Variants in RASGRP2 observed in about 807,000 individuals in gnomAD.
The protein encoded by RASGRP2 is RAS guanyl releasing protein 2.
Under a neutral mutation model 71.0 loss-of-function variants are expected in RASGRP2, and 44 were observed. The ratio of observed to expected loss-of-function variants is 0.62; its 90% CI spans 0.49 to 0.80. The LOEUF is 0.80. Among genes scored for constraint, RASGRP2 ranks in the 30% least tolerant of loss-of-function variants. RASGRP2 has a pLI of 0.00. For synonymous variants in RASGRP2, 350 were observed against 330.7 expected, an observed-to-expected ratio of 1.06 and a Z score of -0.63; for missense variants, 663 against 813.4, an observed-to-expected ratio of 0.82 and a Z score of 2.25.
chr11:64,728,584 C>T (rs534619013), intron 15 of RASGRP2, among the ~76,000 whole-genome samples: 242 of 152,182 alleles, frequency 1.6e-3, no homozygotes, highest in African/African-American at 5.8e-3. Context: ...TCCGCCACCA[C>T]GCCTGGCTAA....
At position 64,739,968 on chromosome 11, in the gene RASGRP2, TC is replaced by T; in HGVS notation, c.522+44del. On this transcript the variant is annotated intron_variant, in intron 6 of 16. Coordinates refer to ENST00000394432, the MANE Select transcript of RASGRP2 (RefSeq NM_001098671.2). The surrounding 1 kb of genome is among the most constrained non-coding windows in gnomAD (Gnocchi z 4.2). ...GACCCTGCCCCTCCTAGAACTCTCT[TC>T]CAGCCCACATTGGACCCCTGACCCC... 1 of 1,613,556 alleles carries T rather than the reference TC, an allele frequency of 6.2e-7. No individual in the cohort carries two copies.
chr11:64,739,208 C>T lies in RASGRP2; in HGVS notation c.813+152G>A. On this transcript the variant is annotated intron_variant, in intron 8 of 16. Coordinates refer to ENST00000394432, the MANE Select transcript of RASGRP2 (RefSeq NM_001098671.2). This position sits in a 1 kb window ranked among gnomAD's most constrained non-coding sequence, Gnocchi z 4.2. ...CTGTGAGCCCCCACTCTGCTGTTGC[C>T]ATTGTGCAAACTGAGAAAAGCACTT... The T allele has an allele frequency of 1.5e-6, 1 of 685,374 alleles. No individual in the cohort carries two copies. Among genetic ancestry groups the T allele is most frequent in the Non-Finnish European group, 2.6e-6 (1 of 379,266 alleles). 42.5% of individuals were successfully genotyped at this position (685,374 alleles called of 1,614,324 possible). A position where few individuals can be genotyped will look rare whatever the true frequency, so the allele number is the denominator to read the frequency against.
At position 64,743,759 on chromosome 11, in the gene RASGRP2, T is replaced by C. The variant is rs1460106084; in HGVS notation, c.-72+244A>G. 1 of 307,010 alleles carries C rather than the reference T, an allele frequency of 3.3e-6. No homozygotes were observed. The highest frequency in any genetic ancestry group is 2.3e-5 in the African/African-American group (1 of 42,820). The allele number at this position is 307,010 out of a possible 1,614,324, so 19.0% of individuals were successfully genotyped here. On this transcript the variant is annotated intron_variant, in intron 1 of 16. Coordinates refer to ENST00000394432, the MANE Select transcript of RASGRP2 (RefSeq NM_001098671.2). The surrounding 1 kb of genome is among the most constrained non-coding windows in gnomAD (Gnocchi z 4.9). ...CAGAGGGGGGCGCTCGCGCCAAGGG[T>C]GGCCGGTGGGTGCATGACACCATTA...
intron 9 of RASGRP2, among the ~76,000 whole-genome samples, 160 bp downstream of exon 9, chr11:64,736,593 T>C (rs2057944681): frequency 6.6e-6 from 1 of 152,104 alleles, no homozygotes; most frequent in African/African-American, 2.4e-5. Flanking sequence ...AACCAGAGCC[T>C]GGACCCCTTC....
In RASGRP2 at chr11:64,740,229, C is replaced by A. The variant is rs1481814083; in HGVS notation, c.372-66G>T. 4 of 1,593,712 alleles carry A rather than the reference C, an allele frequency of 2.5e-6. No individual in the cohort carries two copies. In the South Asian group the frequency reaches 3.3e-5, roughly 13 times the overall value. On this transcript the variant is annotated intron_variant, in intron 5 of 16. Coordinates refer to ENST00000394432, the MANE Select transcript of RASGRP2 (RefSeq NM_001098671.2). ...CATGACTCGTGGCCCCCCACTCACA[C>A]AGACACACCATTCACGCTTACTGAG...
Position 64,730,133 on chromosome 11 carries a change from C to A in RASGRP2, c.1474G>T (p.Gly492Trp), listed in dbSNP as rs771647146. The A allele has an allele frequency of 3.0e-5, 46 of 1,551,358 alleles. No homozygotes were observed. Among genetic ancestry groups the A allele is most frequent in the Non-Finnish European group, 3.6e-5 (41 of 1,147,030 alleles). The change falls in exon 13 of 17, where the codon GGG (glycine) becomes TGG (tryptophan). Residue 492 changes from glycine to tryptophan, a missense_variant. By Grantham distance (184) the Gly-to-Trp change is radical. Coordinates refer to ENST00000394432, the MANE Select transcript of RASGRP2 (RefSeq NM_001098671.2). ...TTGTGTACGAAGCCCATGCGCCCCCCCAACACAGAGCTGGAGCGCAGGAAA... is the reference window on the plus strand; with the variant it reads ...TTGTGTACGAAGCCCATGCGCCCCCACAACACAGAGCTGGAGCGCAGGAAA... Reference protein sequence around the residue: ...SYFLRSSSVLGGRMGFVHNFQ... With the variant: ...SYFLRSSSVLWGRMGFVHNFQ...
chr11:64,737,107 G>A (rs921487670), intron 8 of RASGRP2, 73 bp from the exon 9 acceptor site: 4 of 1,573,880 alleles, frequency 2.5e-6, no homozygotes, highest in Middle Eastern at 3.3e-4. Context: ...ATGTAGGAGG[G>A]GGTGAGGAGG....
In RASGRP2 at chr11:64,742,232, C is replaced by T. The variant is rs957194354; in HGVS notation, c.74-120G>A. On this transcript the variant is annotated intron_variant, in intron 2 of 16. Transcript: ENST00000394432. This position sits in a 1 kb window ranked among gnomAD's most constrained non-coding sequence, Gnocchi z 4.7. Reference sequence around the variant, plus strand: ...GGTGCACGCTCGACCCCGCCCACCTCCTGCTTGCCCAGGACTCCGAGAGCA... The same window carrying T: ...GGTGCACGCTCGACCCCGCCCACCTTCTGCTTGCCCAGGACTCCGAGAGCA... The T allele has an allele frequency of 2.4e-5, 19 of 781,018 alleles. No homozygotes were observed. The highest frequency in any genetic ancestry group is 2.2e-4 in the African/African-American group (13 of 58,348). The allele number at this position is 781,018 out of a possible 1,614,324, so 48.4% of individuals were successfully genotyped here.
intron 15 of RASGRP2, among the ~76,000 whole-genome samples, chr11:64,728,251 T>C (rs1445015021): frequency 6.6e-6 from 1 of 152,202 alleles, no homozygotes; most frequent in Non-Finnish European, 1.5e-5. Context: ...CAATGGCTCA[T>C]ATAACACCTT....
rs2058153308 is a variant in RASGRP2, at chr11:64,742,278, AG to A, written c.74-167del. Among the ~76,000 whole-genome samples, 1 of 152,006 alleles carries A rather than the reference AG, an allele frequency of 6.6e-6. No individual in the cohort carries two copies. Among genetic ancestry groups the A allele is most frequent in the African/African-American group, 2.4e-5 (1 of 41,396 alleles). ...GAGCAGGAGGCAAATTAGAGAGGAA[AG>A]GTGTGGTGGGCGAGAGATAGGCACG... On this transcript the variant is annotated intron_variant, in intron 2 of 16. Coordinates refer to ENST00000394432, the MANE Select transcript of RASGRP2 (RefSeq NM_001098671.2). This position sits in a 1 kb window ranked among gnomAD's most constrained non-coding sequence, Gnocchi z 4.7.
At chr11:64,734,990 G>A in intron 12 of RASGRP2, 122 bp downstream of exon 12, 1 of 808,856 alleles carries the variant, frequency 1.2e-6, no homozygotes, top group Middle Eastern at 2.2e-4. Flanking sequence ...TTCCCACACT[G>A]GCAGCTTCCC....
intron 12 of RASGRP2, among the ~76,000 whole-genome samples, chr11:64,733,103 C>T (rs1309254313): frequency 6.7e-6 from 1 of 148,880 alleles, no homozygotes; most frequent in African/African-American, 2.5e-5. Context: ...CCAGCCTGAG[C>T]GACAGAGTGA....
rs965775560 is a variant in RASGRP2, at chr11:64,742,039, G to A, written c.147C>T (p.Ser49=). ...GGAGCAGCTTGGCCGCCAGCTGAGA[G>A]GAGGGGATGTACCAGGGGTGCATCA... The part of the protein sequence containing the change: ...FLMMHPWYIP[S]SQLAAKLLHI... Residue 49 remains serine (S), a synonymous_variant, in exon 3 of 17, where the codon TCC becomes TCT. Transcript: ENST00000394432. This position sits in a 1 kb window ranked among gnomAD's most constrained non-coding sequence, Gnocchi z 4.7. 6 of 1,611,908 alleles carry A rather than the reference G, an allele frequency of 3.7e-6. No individual in the cohort carries two copies. In the East Asian group the frequency reaches 1.1e-4, roughly 30 times the overall value.
intron 12 of RASGRP2, among the ~76,000 whole-genome samples, chr11:64,733,888 G>T (rs1338157561): frequency 7.0e-6 from 1 of 142,516 alleles, no homozygotes; most frequent in African/African-American, 2.6e-5. Flanking sequence ...ATCTCGCGCA[G>T]TCACCCAGGC....
At position 64,729,133 on chromosome 11, in the gene RASGRP2, C is replaced by G. The variant is rs2057675095; in HGVS notation, c.1592-91G>C. ...AGGCTTGTGCCCCCCTACCAGGAAC[C>G]TTTGTTCCTGAGCAGCTGCCCCACC... On this transcript the variant is annotated intron_variant, in intron 14 of 16. Transcript: ENST00000394432. 16 of 1,325,140 alleles carry G rather than the reference C, an allele frequency of 1.2e-5. 1 individual carries two copies. The Admixed American group carries it at 3.2e-4, about 26-fold the overall frequency. The allele number at this position is 1,325,140 out of a possible 1,614,324, so 82.1% of individuals were successfully genotyped here. A position where few individuals can be genotyped will look rare whatever the true frequency, so the allele number is the denominator to read the frequency against.
chr11:64,732,429 C>T (rs955329740), intron 12 of RASGRP2, among the ~76,000 whole-genome samples: 9 of 152,050 alleles, frequency 5.9e-5, no homozygotes, highest in South Asian at 2.1e-4. Flanking sequence ...GAGGCCGAGG[C>T]GGGCGGATCA....
intron 16 of RASGRP2, 61 bp downstream of exon 16, chr11:64,727,235 C>T: frequency 6.7e-7 from 1 of 1,488,912 alleles, no homozygotes; most frequent in Non-Finnish European, 9.4e-7. Flanking sequence ...TTCCCTGATA[C>T]TCCCCAGCTC....
At chr11:64,736,576 C>T (rs575075595) in intron 9 of RASGRP2, among the ~76,000 whole-genome samples, 177 bp downstream of exon 9, 1 of 152,306 alleles carries the variant, frequency 6.6e-6, no homozygotes, top group Non-Finnish European at 1.5e-5. Flanking sequence ...CCTCAGTCCA[C>T]AGCCCCAACC....
rs770564842 is a variant in RASGRP2, at chr11:64,742,922, G to T, written c.-56C>A. On this transcript the variant is annotated 5_prime_UTR_variant, in exon 2 of 17. Transcript: ENST00000394432. The surrounding 1 kb of genome is among the most constrained non-coding windows in gnomAD (Gnocchi z 4.7). ...GCTGCGCTCCGGGAGCCTCCCACCG[G>T]GCTCGGACCGAACCCCTGTCCCGGG... The T allele has an allele frequency of 1.9e-6, 3 of 1,540,304 alleles. No individual in the cohort carries two copies. In the African/African-American group the frequency reaches 4.1e-5, roughly 21 times the overall value.
Sources: allele counts gnomAD v4.1 joint callset (sites outside exome capture counted in the v4.1 genomes callset), GRCh38; gene constraint gnomAD v4.1.1; non-coding constraint Gnocchi (gnomAD v3.1); transcripts MANE v1.5; gene names NCBI Gene and HGNC (gene_info 2026-07-23, HGNC 2026-07-21).